The following LOXHD1 variants were observed in gnomAD, a reference collection of about 807,000 sequenced individuals.
The protein encoded by LOXHD1 is lipoxygenase homology PLAT domains 1, also known as lipoxygenase homology domain-containing protein 1.
LOXHD1 carries 205 observed loss-of-function variants against 248.2 expected under a neutral mutation model. The observed-to-expected ratio is 0.83, with a 90% CI of 0.74 to 0.93. The LOEUF is 0.93. LOXHD1 is among the 40% of genes least tolerant of loss of function. The pLI, the probability that LOXHD1 is intolerant of heterozygous loss-of-function variation, is 0.00. For synonymous variants in LOXHD1, 1,113 were observed against 1,162.8 expected (o/e 0.96, Z 0.87); for missense variants, 2,930 against 2,971.6 (o/e 0.99, Z 0.33).
chr18:46,655,225 T>A (rs1277202374), intron 1 of LOXHD1, among the ~76,000 whole-genome samples: 1 of 152,220 alleles, frequency 6.6e-6, no homozygotes, highest in Non-Finnish European at 1.5e-5. Context: ...CTTGCTCAAG[T>A]CACTTAATGT....
In LOXHD1 at chr18:46,646,651, A is replaced by G. The variant is rs1054686444; in HGVS notation, c.245+2504T>C. 3.0e-4 allele frequency among the ~76,000 whole-genome samples: 46 copies of G among 152,048 alleles called. No individual in the cohort carries two copies. In the East Asian group the frequency reaches 8.7e-3, roughly 29 times the overall value. On this transcript the variant is annotated intron_variant, in intron 2 of 40. Coordinates refer to ENST00000642948, the MANE Select transcript of LOXHD1 (RefSeq NM_001384474.1). Reference sequence around the variant, plus strand: ...AACATGGCCCCACATTCCCAGCTACAGGCCTCCTCTGCCCCCATCAGCCCG... The same window carrying G: ...AACATGGCCCCACATTCCCAGCTACGGGCCTCCTCTGCCCCCATCAGCCCG...
chr18:46,542,363 G>A (rs1415934027), intron 24 of LOXHD1, among the ~76,000 whole-genome samples: 1 of 152,210 alleles, frequency 6.6e-6, no homozygotes, highest in East Asian at 1.9e-4. Flanking sequence ...CAAAGGCTCT[G>A]GGGGTGGAGC....
At chr18:46,495,743 T>A (rs2033821108) in intron 37 of LOXHD1, among the ~76,000 whole-genome samples, 1 of 152,198 alleles carries the variant, frequency 6.6e-6, no homozygotes, top group African/African-American at 2.4e-5. Flanking sequence ...AAATTCGCCA[T>A]GGAGTGGAAA....
chr18:46,637,011 T>C (rs1199616761), intron 4 of LOXHD1, among the ~76,000 whole-genome samples: 1 of 152,022 alleles, frequency 6.6e-6, no homozygotes, highest in Non-Finnish European at 1.5e-5. Context: ...CCGGGTGTGG[T>C]GGTGTACACC....
rs1332131829 is a variant in LOXHD1, at chr18:46,546,908, G to A, written c.3501C>T (p.Ala1167=). The change falls in exon 22 of 41, where the codon GCC becomes GCT. Residue 1167 remains alanine, a synonymous_variant. Transcript: ENST00000642948. ...AGTTTAGAAAACCTTTCTGCTCCAGGGCCAGGTTGTCGAGGGGGTTGTTGT... is the reference window on the plus strand; with the variant it reads ...AGTTTAGAAAACCTTTCTGCTCCAGAGCCAGGTTGTCGAGGGGGTTGTTGT... ...GGDNNPLDNL[A]LEQKDKSTTF... 6.4e-7 allele frequency: 1 copy of A among 1,550,718 alleles called. No homozygotes were observed. Among genetic ancestry groups the A allele is most frequent in the Admixed American group, 2.0e-5 (1 of 50,976 alleles).
At chr18:46,549,927 C>CT (rs1286676913) in intron 21 of LOXHD1, among the ~76,000 whole-genome samples, 1 of 152,124 alleles carries the variant, frequency 6.6e-6, no homozygotes, top group African/African-American at 2.4e-5. Context: ...ATATTCCCAG[C>CT]TTTTTTTGGC....
In LOXHD1 at chr18:46,477,927, T is replaced by C. The variant is rs1488865397; in HGVS notation, c.6367A>G (p.Ile2123Val). The C allele has an allele frequency of 2.6e-6, 4 of 1,550,094 alleles. No homozygotes were observed. Among genetic ancestry groups the C allele is most frequent in the Admixed American group, 3.9e-5 (2 of 50,970 alleles). The change falls in exon 41 of 41, where the codon ATC becomes GTC. Residue 2123 changes from isoleucine (I) to valine (V), a missense_variant. Coordinates refer to ENST00000642948, the MANE Select transcript of LOXHD1 (RefSeq NM_001384474.1). ...NVYFFNCDCL[I>V]PLKRKRKYFK... Reference sequence around the variant, plus strand: ...TACTTCCTCTTCCTCTTGAGGGGGATGAGGCAGTCACAGTTAAAGAAGTAC... The same window carrying C: ...TACTTCCTCTTCCTCTTGAGGGGGACGAGGCAGTCACAGTTAAAGAAGTAC...
At chr18:46,495,010 C>A (rs1200457008) in intron 37 of LOXHD1, among the ~76,000 whole-genome samples, 1 of 151,952 alleles carries the variant, frequency 6.6e-6, no homozygotes, top group Admixed American at 6.6e-5. Flanking sequence ...CCCGCCACTG[C>A]GCCCGGCTTT....
chr18:46,494,999 G>A (rs1027549978), intron 37 of LOXHD1, among the ~76,000 whole-genome samples: 1 of 151,450 alleles, frequency 6.6e-6, no homozygotes, highest in East Asian at 1.9e-4. Flanking sequence ...GACTACAGGC[G>A]CCCGCCACTG....
intron 21 of LOXHD1, among the ~76,000 whole-genome samples, chr18:46,547,446 G>A (rs1380386506): frequency 6.6e-6 from 1 of 152,186 alleles, no homozygotes; most frequent in African/African-American, 2.4e-5. Flanking sequence ...CATAGTAGGT[G>A]CACAATACAT....
At chr18:46,483,859 G>T (rs2032802409) in intron 39 of LOXHD1, 114 bp from the exon 40 acceptor site, 1 of 1,220,086 alleles carries the variant, frequency 8.2e-7, no homozygotes, top group Non-Finnish European at 1.1e-6. Flanking sequence ...GGATGGGATG[G>T]CAAGCAGGAG....
At chr18:46,481,043 C>A (rs1409699676) in intron 40 of LOXHD1, among the ~76,000 whole-genome samples, 1 of 152,122 alleles carries the variant, frequency 6.6e-6, no homozygotes, top group Non-Finnish European at 1.5e-5. Flanking sequence ...ATGGAAATAG[C>A]TGTGAGATGG....
chr18:46,556,240 A>C (rs1287208781), intron 21 of LOXHD1, among the ~76,000 whole-genome samples: 1 of 152,078 alleles, frequency 6.6e-6, no homozygotes, highest in African/African-American at 2.4e-5. Context: ...AATATTTACT[A>C]TCTGGTCTTT....
At chr18:46,624,105 T>C (rs1425098325) in intron 4 of LOXHD1, among the ~76,000 whole-genome samples, 1 of 152,192 alleles carries the variant, frequency 6.6e-6, no homozygotes, top group Non-Finnish European at 1.5e-5. Flanking sequence ...CCTGTTTAAA[T>C]AGAATGTGGC....
chr18:46,497,978 G>A (rs1184253910), intron 37 of LOXHD1, among the ~76,000 whole-genome samples: 1 of 152,222 alleles, frequency 6.6e-6, no homozygotes, highest in Non-Finnish European at 1.5e-5. Flanking sequence ...GGAATTAAAT[G>A]ACAATTGCAG....
chr18:46,495,057 G>A (rs577527047), intron 37 of LOXHD1, among the ~76,000 whole-genome samples: 5 of 151,828 alleles, frequency 3.3e-5, no homozygotes, highest in South Asian at 2.1e-4. Flanking sequence ...TAGTAGAGAC[G>A]GGGTTTCACC....
intron 21 of LOXHD1, among the ~76,000 whole-genome samples, chr18:46,550,187 T>G (rs1338227809): frequency 6.6e-6 from 1 of 152,182 alleles, no homozygotes; most frequent in African/African-American, 2.4e-5. Flanking sequence ...ACCCAAATAT[T>G]AGAGGCTCAT....
rs116538117 is a variant in LOXHD1 at position 46,484,092 on chromosome 18, C to A, written c.6183-347G>T. The stretch of plus-strand genomic sequence containing the variant: ...GTCTTAGCAAAGTCATAGGTGGGAA[C>A]AGTGGGGTGTGGAGGTGCAGATATT... On this transcript the variant is annotated intron_variant, in intron 39 of 40. Transcript: ENST00000642948. Among the ~76,000 whole-genome samples, 860 of 152,038 alleles carry A rather than the reference C, an allele frequency of 5.7e-3. 8 individuals carry two copies. The highest frequency in any genetic ancestry group is 0.019 in the African/African-American group (797 of 41,450).
chr18:46,480,796 T>C (rs571976462), intron 40 of LOXHD1, among the ~76,000 whole-genome samples: 1 of 152,358 alleles, frequency 6.6e-6, no homozygotes, highest in African/African-American at 2.4e-5. Flanking sequence ...ATGCTCATCA[T>C]GGTGGCCACC....
Sources: allele counts gnomAD v4.1 joint callset (sites outside exome capture counted in the v4.1 genomes callset), GRCh38; gene constraint gnomAD v4.1.1; transcripts MANE v1.5; gene names NCBI Gene and HGNC (gene_info 2026-07-23, HGNC 2026-07-21).